The following SHTN1 variants were observed in gnomAD, a reference collection of about 807,000 sequenced individuals.
SHTN1 encodes the protein shootin-1.
SHTN1 carries 42 observed loss-of-function variants against 83.1 expected under a neutral mutation model. The ratio of observed to expected loss-of-function variants is 0.51; its 90% CI spans 0.39 to 0.65. SHTN1 has a LOEUF of 0.65. Among genes scored for constraint, SHTN1 ranks in the 30% least tolerant of loss-of-function variants. The pLI, the probability that SHTN1 is intolerant of heterozygous loss-of-function variation, is 0.00. For synonymous variants in SHTN1, 224 were observed against 247.7 expected (o/e 0.90, Z 0.90); for missense variants, 622 against 737.8 (o/e 0.84, Z 1.82).
chr10:116,926,229 A>G (rs1366963924), intron 11 of SHTN1, among the ~76,000 whole-genome samples: 2 of 152,162 alleles, frequency 1.3e-5, no homozygotes, highest in African/African-American at 4.8e-5. Flanking sequence ...AGGGGCTCTC[A>G]ACATTTCTGA....
chr10:116,979,220 A>G, intron 2 of SHTN1, 36 bp downstream of exon 2: 1 of 1,574,454 alleles, frequency 6.4e-7, no homozygotes. Flanking sequence ...GCTTTTACAC[A>G]TGTAAGAAAG....
intron 16 of SHTN1, among the ~76,000 whole-genome samples, chr10:116,891,487 T>C (rs1021655297): frequency 1.3e-5 from 2 of 152,186 alleles, no homozygotes; most frequent in Non-Finnish European, 2.9e-5. Context: ...ACCGCAACCA[T>C]ATTTACCGCC....
chr10:117,005,846 G>A (rs1851997748), upstream of SHTN1, among the ~76,000 whole-genome samples: 1 of 152,246 alleles, frequency 6.6e-6, no homozygotes, highest in Non-Finnish European at 1.5e-5. Flanking sequence ...GGCCTGGAGG[G>A]CCCTTGCAGA....
chr10:117,025,777 C>T (rs890430686), intron 2 of SHTN1, among the ~76,000 whole-genome samples: 1 of 151,830 alleles, frequency 6.6e-6, no homozygotes, highest in Non-Finnish European at 1.5e-5. Flanking sequence ...CTTTCCAGGC[C>T]CTAGCTCCCA....
At chr10:116,943,710 C>A (rs900492123) in intron 8 of SHTN1, among the ~76,000 whole-genome samples, 4 of 152,192 alleles carry the variant, frequency 2.6e-5, no homozygotes, top group African/African-American at 9.6e-5. Context: ...CCCCACAAAA[C>A]CATCATTGGA....
At chr10:116,935,957 G>A (rs1589821980) in intron 9 of SHTN1, among the ~76,000 whole-genome samples, 2 of 152,146 alleles carry the variant, frequency 1.3e-5, no homozygotes, top group Non-Finnish European at 2.9e-5. Context: ...TTTGTGTACA[G>A]GTATTTATAG....
chr10:116,890,485 A>G (rs1241188533), intron 16 of SHTN1, among the ~76,000 whole-genome samples: 1 of 152,212 alleles, frequency 6.6e-6, no homozygotes, highest in Non-Finnish European at 1.5e-5. Context: ...TTCCTGTCCA[A>G]TAATTTTTTC....
chr10:117,115,978 G>A (rs1038472981), intron 1 of SHTN1, among the ~76,000 whole-genome samples: 4 of 151,930 alleles, frequency 2.6e-5, no homozygotes, highest in Non-Finnish European at 5.9e-5. Flanking sequence ...TCTGTAGAGT[G>A]GAGATAATTA....
At chr10:117,026,036 G>A (rs1175815396) in intron 2 of SHTN1, among the ~76,000 whole-genome samples, 1 of 152,114 alleles carries the variant, frequency 6.6e-6, no homozygotes, top group African/African-American at 2.4e-5. Flanking sequence ...GAAAAGCAGA[G>A]GGAAAACTTA....
chr10:117,070,431 CT>C (rs1029879635), intron 1 of SHTN1, among the ~76,000 whole-genome samples: 12 of 152,082 alleles, frequency 7.9e-5, no homozygotes, highest in African/African-American at 1.4e-4. Context: ...GTGTTCTATG[CT>C]TTTTTTCCCC....
At position 116,951,944 on chromosome 10, in the gene SHTN1, T is replaced by C; in HGVS notation, c.499A>G (p.Asn167Asp). 1 of 1,598,718 alleles carries C rather than the reference T, an allele frequency of 6.3e-7. No homozygotes were observed. The highest frequency in any genetic ancestry group is 8.5e-7 in the Non-Finnish European group (1 of 1,170,750). Residue 167 changes from asparagine to aspartate, a missense_variant, in exon 6 of 17, where the codon AAT becomes GAT. Physicochemically the swap from Asn to Asp is conservative, Grantham distance 23. Transcript: ENST00000355371. ...ACTTCTACGAGTTTGCTCTTGAGAT[T>C]TTCCAGCTCAATGGCTAAAATCTTC... is the stretch of plus-strand genomic sequence containing the variant. The part of the protein sequence containing the change: ...EKKILAIELE[N>D]LKSKLVEVIE...
chr10:117,046,730 A>C (rs1045277715), intron 2 of SHTN1, among the ~76,000 whole-genome samples: 8 of 152,200 alleles, frequency 5.3e-5, no homozygotes, highest in African/African-American at 1.9e-4. Flanking sequence ...AACCTTGAAA[A>C]TGTTATGCTA....
rs2133364514 is a variant in SHTN1 at position 116,921,424 on chromosome 10, T to C, written c.1195+10A>G. On this transcript the variant is annotated intron_variant, in intron 12 of 16. Transcript: ENST00000355371. The stretch of plus-strand genomic sequence containing the variant: ...CATCAACCACTTACACCAATAGAAG[T>C]GATGCTTACTTGTTTCTGGTTGAGT... 6.2e-7 allele frequency: 1 copy of C among 1,604,746 alleles called. No homozygotes were observed. The highest frequency in any genetic ancestry group is 2.2e-5 in the East Asian group (1 of 44,802).
chr10:116,922,540 G>C (rs1302067550), intron 11 of SHTN1, among the ~76,000 whole-genome samples: 1 of 152,084 alleles, frequency 6.6e-6, no homozygotes, highest in Admixed American at 6.6e-5. Flanking sequence ...TAATTCCCCA[G>C]AACTGGTAAT....
chr10:116,948,248 C>T (rs1849656523), intron 7 of SHTN1, among the ~76,000 whole-genome samples: 1 of 152,144 alleles, frequency 6.6e-6, no homozygotes, highest in African/African-American at 2.4e-5. Context: ...CACTGTTGCC[C>T]AAAGTACACA....
At chr10:117,096,973 G>C (rs190525966) in intron 1 of SHTN1, among the ~76,000 whole-genome samples, 1 of 152,226 alleles carries the variant, frequency 6.6e-6, no homozygotes, top group Admixed American at 6.5e-5. Flanking sequence ...TTTAATAACA[G>C]TGAAGTAAGT....
intron 1 of SHTN1, among the ~76,000 whole-genome samples, chr10:117,079,402 C>T (rs368219214): frequency 3.1e-5 from 4 of 129,360 alleles, no homozygotes; most frequent in South Asian, 2.7e-4. Context: ...TTCCATGGTG[C>T]ATATGTGCCA....
chr10:117,061,466 G>A (rs1010111233), intron 1 of SHTN1, among the ~76,000 whole-genome samples: 1 of 150,752 alleles, frequency 6.6e-6, no homozygotes, highest in Non-Finnish European at 1.5e-5. Flanking sequence ...CCATCACATA[G>A]GTTTTCTTTT....
At chr10:116,951,586 C>A (rs920765857) in intron 6 of SHTN1, among the ~76,000 whole-genome samples, 2 of 152,184 alleles carry the variant, frequency 1.3e-5, no homozygotes, top group African/African-American at 4.8e-5. Flanking sequence ...TCTTTCTCTA[C>A]CAGCAGCAAT....
Sources: gnomAD v4.1 joint callset for allele counts (sites outside exome capture counted in the v4.1 genomes callset) on GRCh38, gnomAD v4.1.1 for gene constraint, MANE v1.5 for transcripts, NCBI Gene and HGNC (gene_info 2026-07-23, HGNC 2026-07-21) for gene names.